The following NDFIP2 variants were observed in gnomAD, a reference collection of about 807,000 sequenced individuals.
The protein encoded by NDFIP2 is Nedd4 family interacting protein 2, also known as NEDD4 family-interacting protein 2.
NDFIP2 carries 19 observed loss-of-function variants against 36.0 expected under a neutral mutation model. The observed-to-expected ratio is 0.53, with a 90% CI of 0.37 to 0.77. NDFIP2 has a LOEUF of 0.77. Among genes scored for constraint, NDFIP2 ranks in the 30% least tolerant of loss-of-function variants. NDFIP2 has a pLI of 0.00. For synonymous variants in NDFIP2, 181 were observed against 167.7 expected (o/e 1.08, Z -0.61); for missense variants, 446 against 435.8 (o/e 1.02, Z -0.21).
intron 4 of NDFIP2, among the ~76,000 whole-genome samples, chr13:79,540,658 A>G (rs925644681): frequency 2.0e-5 from 3 of 152,188 alleles, no homozygotes; most frequent in Non-Finnish European, 4.4e-5. Context: ...TCAGCTTTAA[A>G]AAGTAGAAAA....
chr13:79,481,751 C>T (rs1055684319), intron 1 of NDFIP2, among the ~76,000 whole-genome samples: 4 of 152,148 alleles, frequency 2.6e-5, no homozygotes, highest in African/African-American at 9.7e-5. Context: ...TGCTTAGCTC[C>T]TCACCCGCAC....
intron 2 of NDFIP2, among the ~76,000 whole-genome samples, chr13:79,530,071 G>T (rs1436604727): frequency 2.6e-5 from 4 of 152,196 alleles, no homozygotes; most frequent in Admixed American, 6.5e-5. Flanking sequence ...TTTTCCTGGT[G>T]GAAGATCTTG....
chr13:79,505,640 A>C (rs976971973), intron 1 of NDFIP2, among the ~76,000 whole-genome samples: 2 of 151,900 alleles, frequency 1.3e-5, no homozygotes, highest in South Asian at 2.1e-4. Context: ...AAAAAAAAAA[A>C]AACCCAAAAA....
At chr13:79,484,632 A>C (rs538456618) in intron 1 of NDFIP2, among the ~76,000 whole-genome samples, 1 of 152,112 alleles carries the variant, frequency 6.6e-6, no homozygotes, top group Non-Finnish European at 1.5e-5. Flanking sequence ...TACAATATCA[A>C]TTTTCTATGG....
At chr13:79,488,259 G>A (rs1008437763) in intron 1 of NDFIP2, among the ~76,000 whole-genome samples, 19 of 152,118 alleles carry the variant, frequency 1.2e-4, no homozygotes, top group East Asian at 9.6e-4. Context: ...TTGAAGACCA[G>A]TATTATGTCA....
At chr13:79,529,229 A>G (rs749033854) in intron 2 of NDFIP2, among the ~76,000 whole-genome samples, 1 of 152,166 alleles carries the variant, frequency 6.6e-6, no homozygotes, top group Non-Finnish European at 1.5e-5. Flanking sequence ...CTGGTTGAGA[A>G]CCACTCTTTT....
intron 2 of NDFIP2, among the ~76,000 whole-genome samples, chr13:79,523,578 C>A (rs533180177): frequency 1.3e-5 from 2 of 152,226 alleles, no homozygotes; most frequent in South Asian, 4.1e-4. Flanking sequence ...ATAAATTAGG[C>A]ACAGTAAGAG....
At chr13:79,490,451 G>A (rs1873181456) in intron 1 of NDFIP2, among the ~76,000 whole-genome samples, 1 of 152,096 alleles carries the variant, frequency 6.6e-6, no homozygotes, top group Non-Finnish European at 1.5e-5. Flanking sequence ...GGTGGTGGTG[G>A]TGATGTAGAC....
At chr13:79,548,540 T>A in intron 6 of NDFIP2, 146 bp downstream of exon 6, 1 of 658,686 alleles carries the variant, frequency 1.5e-6, no homozygotes, top group South Asian at 2.1e-5. Context: ...GTTTTTAAAC[T>A]ATTCTATATA....
chr13:79,481,514 G>T lies in NDFIP2; in HGVS notation c.311G>T (p.Arg104Leu), dbSNP rs1454867577. Residue 104 changes from arginine to leucine, a missense_variant, in exon 1 of 8, where the codon CGC (arginine) becomes CTC (leucine). Coordinates refer to ENST00000218652, the MANE Select transcript of NDFIP2 (RefSeq NM_019080.3). ...RMDHHQPGTG[R>L]YQVLLNEEDN... ...GATCACCACCAGCCGGGGACTGGGC[G>T]CTACCAGGTGGTGAGTTCCCGGCCT... The T allele has an allele frequency of 6.5e-7, 1 of 1,550,020 alleles. No homozygotes were observed. Among genetic ancestry groups the T allele is most frequent in the Non-Finnish European group, 8.7e-7 (1 of 1,146,892 alleles).
At position 79,548,390 on chromosome 13, in the gene NDFIP2, A is replaced by G. The variant is rs772365547; in HGVS notation, c.903A>G (p.Val301=). ...ATTGGCTTTGGTGGATATTTCTTGTACTTGGTAAGTTTATTCTTAATGCAT... is the reference window on the plus strand; with the variant it reads ...ATTGGCTTTGGTGGATATTTCTTGTGCTTGGTAAGTTTATTCTTAATGCAT... ...GQYWLWWIFL[V]LGLLLFFRGF... Residue 301 remains valine (V), a synonymous_variant, in exon 6 of 8, where the codon GTA becomes GTG. Transcript: ENST00000218652. 1.3e-6 allele frequency: 2 copies of G among 1,583,340 alleles called. No individual in the cohort carries two copies. The highest frequency in any genetic ancestry group is 1.1e-5 in the South Asian group (1 of 87,322).
At chr13:79,493,105 G>T (rs893457006) in intron 1 of NDFIP2, among the ~76,000 whole-genome samples, 1 of 152,234 alleles carries the variant, frequency 6.6e-6, no homozygotes, top group African/African-American at 2.4e-5. Flanking sequence ...TGTAAACTCA[G>T]TGGGAAGCAG....
intron 1 of NDFIP2, among the ~76,000 whole-genome samples, chr13:79,501,760 A>G (rs1873677319): frequency 6.6e-6 from 1 of 152,108 alleles, no homozygotes; most frequent in African/African-American, 2.4e-5. Context: ...TGTCTAAGTA[A>G]TTGATGTTAC....
At chr13:79,516,352 C>T (rs1874331473) in intron 1 of NDFIP2, among the ~76,000 whole-genome samples, 2 of 152,124 alleles carry the variant, frequency 1.3e-5, no homozygotes, top group Non-Finnish European at 2.9e-5. Flanking sequence ...CTTCCGGGCT[C>T]AGGTTATCCT....
chr13:79,539,672 A>G lies in NDFIP2; in HGVS notation c.622-10A>G, dbSNP rs764816672. On this transcript the variant is annotated splice_polypyrimidine_tract_variant and intron_variant, in intron 3 of 7. Coordinates refer to ENST00000218652, the MANE Select transcript of NDFIP2 (RefSeq NM_019080.3). Reference sequence around the variant, plus strand: ...TTTTAGTGAGCTATTCCAATGTTACATATTTACAGATTCAGGAGGAAGAGT... The same window carrying G: ...TTTTAGTGAGCTATTCCAATGTTACGTATTTACAGATTCAGGAGGAAGAGT... The G allele has an allele frequency of 1.3e-4, 202 of 1,608,290 alleles. No individual in the cohort carries two copies. The highest frequency in any genetic ancestry group is 1.6e-4 in the Non-Finnish European group (190 of 1,174,996).
intron 6 of NDFIP2, among the ~76,000 whole-genome samples, chr13:79,549,188 AATT>A (rs1294798137): frequency 6.6e-6 from 1 of 151,916 alleles, no homozygotes; most frequent in African/African-American, 2.4e-5. Context: ...TTGGGAAACA[AATT>A]ATTGTTAGTC....
At chr13:79,519,847 C>T (rs1200024404) in intron 1 of NDFIP2, among the ~76,000 whole-genome samples, 1 of 152,218 alleles carries the variant, frequency 6.6e-6, no homozygotes, top group Non-Finnish European at 1.5e-5. Context: ...AATGTCAAGG[C>T]TGGAGTGCAT....
intron 1 of NDFIP2, among the ~76,000 whole-genome samples, chr13:79,507,084 C>T (rs1035394494): frequency 1.3e-5 from 2 of 152,022 alleles, no homozygotes; most frequent in Non-Finnish European, 2.9e-5. Flanking sequence ...TCATCTCTTT[C>T]TTCAGTTCTG....
chr13:79,504,258 A>G (rs1873775603), intron 1 of NDFIP2, among the ~76,000 whole-genome samples: 1 of 152,238 alleles, frequency 6.6e-6, no homozygotes, highest in Non-Finnish European at 1.5e-5. Flanking sequence ...CAAAAATAAT[A>G]CAAAGAATTC....
Sources: gnomAD v4.1 joint callset for allele counts (sites outside exome capture counted in the v4.1 genomes callset) on GRCh38, gnomAD v4.1.1 for gene constraint, MANE v1.5 for transcripts, NCBI Gene and HGNC (gene_info 2026-07-23, HGNC 2026-07-21) for gene names.